The following MAST4 variants were observed in gnomAD, a reference collection of about 807,000 sequenced individuals.
MAST4 encodes microtubule associated serine/threonine kinase family member 4.
Under a neutral mutation model 162.7 loss-of-function variants are expected in MAST4, and 89 were observed. The observed-to-expected ratio is 0.55, with a 90% confidence interval of 0.46 to 0.65. The LOEUF (loss-of-function observed/expected upper bound fraction) is 0.65. Ranked by LOEUF, MAST4 falls within the 30% of genes least tolerant of loss-of-function variation. MAST4 has a pLI of 0.00. For synonymous variants in MAST4, 1,479 were observed against 1,361.1 expected, an observed-to-expected ratio of 1.09 and a Z score of -1.91; for missense variants, 3,153 against 3,374.0, an observed-to-expected ratio of 0.93 and a Z score of 1.62.
chr5:66,710,776 G>C (rs1750446914), intron 1 of MAST4, among the ~76,000 whole-genome samples: 2 of 152,288 alleles, frequency 1.3e-5, no homozygotes, highest in Admixed American at 6.5e-5. Context: ...TTGCTCCCAG[G>C]AGGTGCTTCC....
rs113751642 is a variant in MAST4, at chr5:66,948,296, C to T, written c.674+48314C>T. On this transcript the variant is annotated intron_variant, in intron 4 of 28. Transcript: ENST00000403625. ...GAGGATGATAAGATACGTGTGCAAT[C>T]TGATTCCAGATTTTAGATTATCTAG... Among the ~76,000 whole-genome samples the T allele has an allele frequency of 4.6e-3, 705 of 152,290 alleles. 6 individuals carry two copies. The highest frequency in any genetic ancestry group is 0.016 in the African/African-American group (674 of 41,570).
intron 4 of MAST4, among the ~76,000 whole-genome samples, chr5:66,979,104 G>C (rs761155272): frequency 3.9e-5 from 6 of 152,114 alleles, no homozygotes; most frequent in Non-Finnish European, 8.8e-5. Flanking sequence ...TAGAAGCAGG[G>C]ATAACAATCC....
At chr5:66,665,658 C>T (rs1747206946) in intron 1 of MAST4, among the ~76,000 whole-genome samples, 1 of 152,138 alleles carries the variant, frequency 6.6e-6, no homozygotes, top group Non-Finnish European at 1.5e-5. Flanking sequence ...ATTTGAACTA[C>T]AGAGTCGTTA....
At chr5:66,772,655 G>A (rs900989211) in intron 2 of MAST4, among the ~76,000 whole-genome samples, 2 of 152,188 alleles carry the variant, frequency 1.3e-5, no homozygotes, top group Non-Finnish European at 2.9e-5. Flanking sequence ...TGACTTGCCT[G>A]GGTGGAGACA....
chr5:67,029,106 C>T (rs1293804219), intron 4 of MAST4, among the ~76,000 whole-genome samples: 1 of 151,770 alleles, frequency 6.6e-6, no homozygotes, highest in Admixed American at 6.6e-5. Flanking sequence ...CTACACCCAG[C>T]CTGGGCGACA....
At chr5:66,957,336 C>T (rs55954980) in intron 4 of MAST4, among the ~76,000 whole-genome samples, 14,953 of 151,904 alleles carry the variant, frequency 0.098, 2,409 homozygotes, top group African/African-American at 0.34. Context: ...TTTTGTGTTC[C>T]ATTATATCTT....
intron 15 of MAST4, among the ~76,000 whole-genome samples, 155 bp downstream of exon 15, chr5:67,130,573 A>T (rs1417924256): frequency 1.3e-5 from 2 of 152,182 alleles, no homozygotes; most frequent in Non-Finnish European, 2.9e-5. Flanking sequence ...TTATCTTCTG[A>T]TAATTGCTTG....
chr5:66,870,417 T>C (rs900713924), intron 3 of MAST4, among the ~76,000 whole-genome samples: 6 of 152,200 alleles, frequency 3.9e-5, no homozygotes, highest in African/African-American at 1.2e-4. Context: ...TTCAGGAAGA[T>C]GGACTTCATA....
chr5:66,686,178 T>C (rs1221542555), intron 1 of MAST4, among the ~76,000 whole-genome samples: 1 of 152,134 alleles, frequency 6.6e-6, no homozygotes, highest in Non-Finnish European at 1.5e-5. Context: ...ATTAGGGTAA[T>C]ATTAACCTCT....
chr5:67,144,091 A>G (rs972130942), intron 21 of MAST4, among the ~76,000 whole-genome samples: 6 of 152,130 alleles, frequency 3.9e-5, no homozygotes, highest in African/African-American at 7.2e-5. Context: ...CGGCACCAAC[A>G]TAGGAAACTG....
chr5:67,157,978 G>A (rs2151100848), intron 26 of MAST4, among the ~76,000 whole-genome samples: 1 of 152,290 alleles, frequency 6.6e-6, no homozygotes, highest in African/African-American at 2.4e-5. Context: ...AGCTCTAGTG[G>A]CACACATGGT....
chr5:67,071,708 C>T (rs901567915), intron 5 of MAST4, among the ~76,000 whole-genome samples: 2 of 152,056 alleles, frequency 1.3e-5, no homozygotes, highest in African/African-American at 4.8e-5. Context: ...TACAGTGAGC[C>T]GAGATCGTGC....
intron 1 of MAST4, among the ~76,000 whole-genome samples, chr5:66,600,281 A>C (rs1742471000): frequency 6.6e-6 from 1 of 152,166 alleles, no homozygotes; most frequent in Non-Finnish European, 1.5e-5. Flanking sequence ...TCTTTCCCCA[A>C]ACCTTTGAAT....
intron 3 of MAST4, among the ~76,000 whole-genome samples, chr5:66,814,771 C>T (rs1236699241): frequency 6.6e-6 from 1 of 152,142 alleles, no homozygotes; most frequent in Non-Finnish European, 1.5e-5. Flanking sequence ...CTCATTGTAA[C>T]AAAATTGCCA....
intron 1 of MAST4, among the ~76,000 whole-genome samples, chr5:66,635,946 GTTTTTTT>G (rs530576186): frequency 1.5e-4 from 6 of 41,276 alleles, no homozygotes; most frequent in South Asian, 1.3e-3. Flanking sequence ...GATAGAGACT[GTTTTTTT>G]TTTTTTTTTT....
At chr5:66,676,634 C>G (rs907223216) in intron 1 of MAST4, among the ~76,000 whole-genome samples, 1 of 152,150 alleles carries the variant, frequency 6.6e-6, no homozygotes, top group Non-Finnish European at 1.5e-5. Flanking sequence ...GGACCATAAA[C>G]CAATCAGCGG....
At chr5:66,796,700 G>A (rs555584959) in intron 3 of MAST4, among the ~76,000 whole-genome samples, 3 of 152,254 alleles carry the variant, frequency 2.0e-5, no homozygotes, top group South Asian at 4.1e-4. Context: ...ATATATGTAC[G>A]TAGATCTCTG....
At chr5:66,602,323 A>C (rs2149383267) in intron 1 of MAST4, among the ~76,000 whole-genome samples, 1 of 152,296 alleles carries the variant, frequency 6.6e-6, no homozygotes, top group Admixed American at 6.5e-5. Context: ...ACGCATTACC[A>C]GTCTTTCTTG....
At chr5:66,828,148 T>C (rs1250626601) in intron 3 of MAST4, among the ~76,000 whole-genome samples, 3 of 152,216 alleles carry the variant, frequency 2.0e-5, no homozygotes, top group African/African-American at 7.2e-5. Flanking sequence ...GAAATTAAAC[T>C]GTTTCTGTCT....
Sources: gnomAD v4.1 joint callset for allele counts (sites outside exome capture counted in the v4.1 genomes callset) on GRCh38, gnomAD v4.1.1 for gene constraint, MANE v1.5 for transcripts, NCBI Gene and HGNC (gene_info 2026-07-23, HGNC 2026-07-21) for gene names.